Variants in GADL1 observed in about 807,000 individuals in gnomAD.
GADL1 encodes the protein GAD like acidic amino acid decarboxylase 1, also known as acidic amino acid decarboxylase GADL1.
GADL1 carries 71 observed loss-of-function variants against 69.5 expected under a neutral mutation model. The ratio of observed to expected loss-of-function variants is 1.02; its 90% CI spans 0.84 to 1.25. The LOEUF is 1.25. GADL1 is among the 50% of genes most tolerant of loss of function. The pLI is 0.00. For missense variants in GADL1, 737 were observed against 631.8 expected (o/e 1.17, Z -1.79); for synonymous variants, 254 against 214.4 (o/e 1.18, Z -1.62).
chr3:30,848,318 C>T (rs1351246899), intron 6 of GADL1, among the ~76,000 whole-genome samples: 1 of 152,158 alleles, frequency 6.6e-6, no homozygotes, highest in Non-Finnish European at 1.5e-5. Flanking sequence ...ACTCAACTCC[C>T]ACTTTGCACT....
chr3:30,867,238 T>C (rs902839386), intron 1 of GADL1, among the ~76,000 whole-genome samples: 6 of 151,892 alleles, frequency 4.0e-5, no homozygotes, highest in Admixed American at 3.9e-4. Flanking sequence ...TTTATATTAA[T>C]AATACTGAAA....
intron 14 of GADL1, among the ~76,000 whole-genome samples, chr3:30,764,132 A>G (rs988375330): frequency 1.3e-5 from 2 of 149,626 alleles, no homozygotes; most frequent in East Asian, 3.9e-4. Context: ...ATGTTTATTA[A>G]ATATATTAAC....
chr3:30,886,960 T>C (rs780626218), intron 1 of GADL1, among the ~76,000 whole-genome samples: 20 of 152,212 alleles, frequency 1.3e-4, no homozygotes, highest in Non-Finnish European at 4.4e-5. Context: ...GCTAAGTGTT[T>C]ACAGGTATCA....
At chr3:30,756,683 G>A (rs1410092256) in intron 14 of GADL1, among the ~76,000 whole-genome samples, 3 of 152,146 alleles carry the variant, frequency 2.0e-5, no homozygotes, top group African/African-American at 7.2e-5. Flanking sequence ...TAGCCTGATT[G>A]GGAAGTAGAG....
intron 8 of GADL1, among the ~76,000 whole-genome samples, chr3:30,841,839 G>C (rs1697970763): frequency 6.6e-6 from 1 of 152,082 alleles, no homozygotes; most frequent in Non-Finnish European, 1.5e-5. Context: ...GTCTCCTGAT[G>C]GCAGGAGCCA....
chr3:30,743,452 C>T (rs564940630), intron 14 of GADL1, among the ~76,000 whole-genome samples: 5 of 152,282 alleles, frequency 3.3e-5, no homozygotes, highest in East Asian at 1.9e-4. Flanking sequence ...GCTGTCACAG[C>T]GCCTGCTTTT....
At chr3:30,856,879 CA>C in intron 3 of GADL1, 135 bp downstream of exon 3, 1 of 687,524 alleles carries the variant, frequency 1.5e-6, no homozygotes. Flanking sequence ...GGGACCATTG[CA>C]AAAACATCAG....
intron 14 of GADL1, among the ~76,000 whole-genome samples, chr3:30,734,206 A>C (rs917521076): frequency 2.6e-5 from 4 of 152,182 alleles, no homozygotes; most frequent in African/African-American, 9.6e-5. Context: ...TCTCACATCG[A>C]TTTACATCTC....
intron 13 of GADL1, among the ~76,000 whole-genome samples, chr3:30,784,355 C>T (rs1336738839): frequency 6.6e-6 from 1 of 151,908 alleles, no homozygotes; most frequent in African/African-American, 2.4e-5. Context: ...ACTACTCCCT[C>T]TGTTTTCCTC....
rs564090411 is a variant in GADL1, at chr3:30,755,350, C to A, written c.1392+22829G>T. On this transcript the variant is annotated intron_variant, in intron 14 of 14. Transcript: ENST00000282538. The stretch of plus-strand genomic sequence containing the variant: ...TAAATGGAGAGTTCCAAGCCAGCTT[C>A]TTGGAAGAAGATACTATTACTAAAA... 3.4e-5 allele frequency among the ~76,000 whole-genome samples: 5 copies of A among 147,132 alleles called. No individual in the cohort carries two copies. In the East Asian group the frequency reaches 1.0e-3, roughly 30 times the overall value.
chr3:30,740,984 T>TTATATATAATATATAA (rs1491530536), intron 14 of GADL1, among the ~76,000 whole-genome samples: 1 of 126,546 alleles, frequency 7.9e-6, no homozygotes, highest in African/African-American at 3.3e-5. Context: ...TTAATATATA[T>TTATATATAATATATAA]TATATATTAT....
intron 11 of GADL1, among the ~76,000 whole-genome samples, chr3:30,815,908 C>T (rs1351831521): frequency 2.6e-5 from 4 of 152,128 alleles, no homozygotes; most frequent in Admixed American, 2.6e-4. Context: ...GACTGAATCC[C>T]AGTTCCATCC....
Position 30,801,049 on chromosome 3 carries a change from G to C in GADL1, c.1090C>G (p.Leu364Val). 1 of 1,613,916 alleles carries C rather than the reference G, an allele frequency of 6.2e-7. No homozygotes were observed. Among genetic ancestry groups the C allele is most frequent in the Non-Finnish European group, 8.5e-7 (1 of 1,179,892 alleles). ...TCATAGAATTTATCCTGCTGGAAGAGGTAAGATGCCTTGGCAGAGTAGCAT... is the reference window on the plus strand; with the variant it reads ...TCATAGAATTTATCCTGCTGGAAGACGTAAGATGCCTTGGCAGAGTAGCAT... ...KKCYSAKASY[L>V]FQQDKFYDVS... The change falls in exon 12 of 15, where the codon CTC (leucine) becomes GTC (valine). Residue 364 changes from leucine to valine, a missense_variant. Physicochemically the swap from Leu to Val is conservative, Grantham distance 32. Transcript: ENST00000282538.
chr3:30,728,611 T>C (rs1243583317), intron 14 of GADL1, among the ~76,000 whole-genome samples, 196 bp from the exon 15 acceptor site: 1 of 152,170 alleles, frequency 6.6e-6, no homozygotes, highest in Non-Finnish European at 1.5e-5. Flanking sequence ...TTAGACATAT[T>C]AATTAATCTT....
intron 14 of GADL1, among the ~76,000 whole-genome samples, chr3:30,740,352 G>T (rs539913297): frequency 6.6e-6 from 1 of 152,114 alleles, no homozygotes; most frequent in African/African-American, 2.4e-5. Flanking sequence ...TACATGCCAC[G>T]TCTAAGGGGA....
chr3:30,873,964 A>G (rs577844547), intron 1 of GADL1, among the ~76,000 whole-genome samples: 182 of 151,962 alleles, frequency 1.2e-3, no homozygotes, highest in Non-Finnish European at 1.2e-3. Flanking sequence ...TGGAAAGTAC[A>G]TATTGAGAAG....
chr3:30,772,398 ATACTGAG>A (rs1244180743), intron 14 of GADL1, among the ~76,000 whole-genome samples: 1 of 152,236 alleles, frequency 6.6e-6, no homozygotes. Flanking sequence ...CTACATCAGA[ATACTGAG>A]TAATGATGGG....
chr3:30,820,881 A>AT (rs1697565188), intron 11 of GADL1, among the ~76,000 whole-genome samples: 1 of 151,962 alleles, frequency 6.6e-6, no homozygotes, highest in Admixed American at 6.6e-5. Context: ...ATGTATGTTT[A>AT]TTGTGGCACT....
intron 14 of GADL1, among the ~76,000 whole-genome samples, chr3:30,766,782 T>TA (rs1696292034): frequency 6.6e-6 from 1 of 152,002 alleles, no homozygotes; most frequent in Non-Finnish European, 1.5e-5. Flanking sequence ...GAGGACAAGG[T>TA]AAGAAGGTTG....
Sources: gnomAD v4.1 joint callset for allele counts (sites outside exome capture counted in the v4.1 genomes callset) on GRCh38, gnomAD v4.1.1 for gene constraint, MANE v1.5 for transcripts, NCBI Gene and HGNC (gene_info 2026-07-23, HGNC 2026-07-21) for gene names.